SYT14: variants seen among roughly 807,000 people sequenced by gnomAD.
The protein encoded by SYT14 is synaptotagmin 14, also known as synaptotagmin-14.
SYT14 carries 32 observed loss-of-function variants against 74.2 expected under a neutral mutation model. The ratio of observed to expected loss-of-function variants is 0.43; its 90% CI spans 0.33 to 0.58. The LOEUF (loss-of-function observed/expected upper bound fraction) is 0.58. SYT14 is among the 20% of genes least tolerant of loss of function. The pLI is 0.05. For synonymous variants in SYT14, 298 were observed against 337.7 expected, an observed-to-expected ratio of 0.88 and a Z score of 1.29; for missense variants, 791 against 981.8, an observed-to-expected ratio of 0.81 and a Z score of 2.60.
At chr1:209,998,986 A>G (rs1382729384) in intron 2 of SYT14, among the ~76,000 whole-genome samples, 1 of 152,158 alleles carries the variant, frequency 6.6e-6, no homozygotes, top group Non-Finnish European at 1.5e-5. Flanking sequence ...AAAGAAAACA[A>G]CAGAGCAAAA....
Position 210,161,169 on chromosome 1 carries a change from C to CTT in SYT14, c.*129_*130dup, listed in dbSNP as rs1162180928. 13 of 1,039,438 alleles carry CTT rather than the reference C, an allele frequency of 1.3e-5. No homozygotes were observed. In the Admixed American group the frequency reaches 2.3e-4, roughly 19 times the overall value. The allele number at this position is 1,039,438 out of a possible 1,614,324, so 64.4% of individuals were successfully genotyped here. A position where few individuals can be genotyped will look rare whatever the true frequency, so the allele number is the denominator to read the frequency against. On this transcript the variant is annotated 3_prime_UTR_variant, in exon 10 of 10. Transcript: ENST00000637265. ...TCATATTCAACCTTCTACCAAAATG[C>CTT]TTTAAGTTCTATGGAAAGAACGTCT...
chr1:210,058,085 G>C (rs867379829), intron 5 of SYT14, among the ~76,000 whole-genome samples: 1 of 152,150 alleles, frequency 6.6e-6, no homozygotes, highest in African/African-American at 2.4e-5. Flanking sequence ...TGAGGGTTTT[G>C]TTATTCTGGA....
At chr1:209,975,173 C>T (rs1388865619) in intron 2 of SYT14, among the ~76,000 whole-genome samples, 1 of 152,182 alleles carries the variant, frequency 6.6e-6, no homozygotes, top group East Asian at 1.9e-4. Context: ...GACAATTTGA[C>T]TTCCTCTTTT....
chr1:210,089,868 A>G (rs2081828157), intron 5 of SYT14, among the ~76,000 whole-genome samples: 1 of 152,246 alleles, frequency 6.6e-6, no homozygotes, highest in Non-Finnish European at 1.5e-5. Flanking sequence ...AAGCATAGTG[A>G]AACGAAAGTA....
At chr1:210,147,575 GT>G (rs1232830251) in intron 7 of SYT14, among the ~76,000 whole-genome samples, 2 of 152,146 alleles carry the variant, frequency 1.3e-5, no homozygotes, top group Non-Finnish European at 2.9e-5. Context: ...GTGCAGTAGT[GT>G]AACATACTAC....
At chr1:210,120,227 T>A (rs531871988) in intron 7 of SYT14, among the ~76,000 whole-genome samples, 1 of 152,284 alleles carries the variant, frequency 6.6e-6, no homozygotes, top group African/African-American at 2.4e-5. Flanking sequence ...TATTTTGGAA[T>A]TACCTGATAT....
intron 5 of SYT14, among the ~76,000 whole-genome samples, chr1:210,059,451 T>TATATATAGAGAGAGAGAG (rs377050610): frequency 8.3e-4 from 58 of 69,890 alleles, no homozygotes; most frequent in African/African-American, 2.1e-3. Flanking sequence ...TATATATATA[T>TATATATAGAGAGAGAGAG]AGAGAGAGAG....
At chr1:210,135,658 C>G (rs2082770948) in intron 7 of SYT14, among the ~76,000 whole-genome samples, 1 of 151,906 alleles carries the variant, frequency 6.6e-6, no homozygotes, top group Non-Finnish European at 1.5e-5. Context: ...TTAATGGATC[C>G]CAGATATTGT....
At chr1:210,142,675 A>G (rs1041674022) in intron 7 of SYT14, among the ~76,000 whole-genome samples, 3 of 152,160 alleles carry the variant, frequency 2.0e-5, no homozygotes, top group African/African-American at 7.2e-5. Context: ...AAAGATTTAA[A>G]AGTAAGTAAC....
intron 5 of SYT14, among the ~76,000 whole-genome samples, chr1:210,026,095 GT>G (rs34723080): frequency 3.3e-5 from 5 of 150,406 alleles, no homozygotes; most frequent in East Asian, 2.0e-4. Context: ...AATCTTCTGG[GT>G]TTTTTTTTGG....
chr1:210,129,897 A>G (rs1572351329), intron 7 of SYT14, among the ~76,000 whole-genome samples: 1 of 152,322 alleles, frequency 6.6e-6, no homozygotes, highest in East Asian at 1.9e-4. Flanking sequence ...GGGCCTGAGT[A>G]TCTGTATCTT....
At chr1:210,036,790 C>G (rs907072371) in intron 5 of SYT14, among the ~76,000 whole-genome samples, 1 of 151,942 alleles carries the variant, frequency 6.6e-6, no homozygotes, top group Non-Finnish European at 1.5e-5. Context: ...CCCACTTGAT[C>G]GTGGTGTATT....
intron 5 of SYT14, among the ~76,000 whole-genome samples, chr1:210,085,284 A>G (rs1174058593): frequency 1.3e-5 from 2 of 152,192 alleles, no homozygotes; most frequent in Non-Finnish European, 2.9e-5. Flanking sequence ...TTATCTCTAA[A>G]TTATTTTGGG....
intron 6 of SYT14, 61 bp downstream of exon 5, chr1:210,094,654 C>T: frequency 1.3e-6 from 2 of 1,548,924 alleles, no homozygotes; most frequent in Non-Finnish European, 1.8e-6. Flanking sequence ...TAATCCTGTG[C>T]TTCTCCTCTT....
chr1:210,071,009 T>C (rs1254259624), intron 5 of SYT14, among the ~76,000 whole-genome samples: 11 of 148,216 alleles, frequency 7.4e-5, no homozygotes, highest in African/African-American at 2.8e-4. Flanking sequence ...TGATAAAAAC[T>C]TCAGACATGT....
At chr1:209,998,825 C>T (rs1343359455) in intron 2 of SYT14, among the ~76,000 whole-genome samples, 3 of 151,804 alleles carry the variant, frequency 2.0e-5, no homozygotes, top group Admixed American at 6.6e-5. Context: ...AAGTAAGACC[C>T]GAAACTATAA....
chr1:209,965,672 A>G (rs2079145395), intron 2 of SYT14, among the ~76,000 whole-genome samples: 1 of 152,192 alleles, frequency 6.6e-6, no homozygotes, highest in African/African-American at 2.4e-5. Flanking sequence ...TTACAGTCCC[A>G]TCAACAGTCC....
chr1:210,032,358 CT>C (rs777536613), intron 5 of SYT14, among the ~76,000 whole-genome samples: 1 of 151,990 alleles, frequency 6.6e-6, no homozygotes, highest in Non-Finnish European at 1.5e-5. Flanking sequence ...TTATCACCAT[CT>C]TTTACCTTTA....
intron 5 of SYT14, among the ~76,000 whole-genome samples, chr1:210,049,225 C>G (rs1428310092): frequency 6.6e-6 from 1 of 152,166 alleles, no homozygotes; most frequent in Non-Finnish European, 1.5e-5. Context: ...GGCAGTGCCC[C>G]AGTAGGGACT....
Sources: allele counts gnomAD v4.1 joint callset (sites outside exome capture counted in the v4.1 genomes callset), GRCh38; gene constraint gnomAD v4.1.1; transcripts MANE v1.5; gene names NCBI Gene and HGNC (gene_info 2026-07-23, HGNC 2026-07-21).